LY86: variants seen among roughly 807,000 people sequenced by gnomAD.
LY86 encodes MD-1, RP105-associated.
LY86 carries 20 observed loss-of-function variants against 17.3 expected under a neutral mutation model. That is an observed-to-expected ratio of 1.15 (90% CI 0.81 to 1.68). The LOEUF (loss-of-function observed/expected upper bound fraction) is 1.68. LY86 is among the 40% of genes most tolerant of loss of function. LY86 has a pLI of 0.00. For missense variants in LY86, 200 were observed against 191.9 expected (o/e 1.04, Z -0.25); for synonymous variants, 74 against 70.6 (o/e 1.05, Z -0.24).
intron 3 of LY86, among the ~76,000 whole-genome samples, chr6:6,627,511 T>C (rs917599305): frequency 1.3e-5 from 2 of 152,196 alleles, no homozygotes; most frequent in Non-Finnish European, 2.9e-5. Flanking sequence ...CACATCACTG[T>C]ATCCTAGCGT....
chr6:6,647,593 A>G (rs1383672367), intron 3 of LY86, among the ~76,000 whole-genome samples: 1 of 152,150 alleles, frequency 6.6e-6, no homozygotes, highest in Non-Finnish European at 1.5e-5. Flanking sequence ...CAGCAGCAGC[A>G]TTCAGCATGG....
chr6:6,603,550 G>A (rs1387118267), intron 1 of LY86, among the ~76,000 whole-genome samples: 1 of 142,162 alleles, frequency 7.0e-6, no homozygotes, highest in East Asian at 2.1e-4. Flanking sequence ...ACAACAAAAT[G>A]ATGAGGTCTC....
chr6:6,647,170 C>G (rs1054182559), intron 3 of LY86, among the ~76,000 whole-genome samples: 1 of 152,248 alleles, frequency 6.6e-6, no homozygotes, highest in Non-Finnish European at 1.5e-5. Context: ...TCTGTTTTCT[C>G]TCCTACAATT....
intron 1 of LY86, among the ~76,000 whole-genome samples, chr6:6,605,515 G>A (rs1271026593): frequency 2.0e-5 from 3 of 152,228 alleles, no homozygotes; most frequent in African/African-American, 7.2e-5. Context: ...TGCCATGGGG[G>A]GTCTCCCCAC....
intron 3 of LY86, among the ~76,000 whole-genome samples, chr6:6,633,444 G>T (rs184654482): frequency 1.1e-3 from 166 of 152,244 alleles, no homozygotes; most frequent in Non-Finnish European, 2.0e-3. Flanking sequence ...AGGATGTGCA[G>T]GTTTGTTACA....
intron 1 of LY86, among the ~76,000 whole-genome samples, chr6:6,598,731 A>G (rs1460432212): frequency 2.0e-5 from 3 of 146,732 alleles, no homozygotes; most frequent in African/African-American, 7.5e-5. Flanking sequence ...GCCTACAGGC[A>G]TCATTGGAAA....
chr6:6,637,004 GTT>G (rs34996349), intron 3 of LY86, among the ~76,000 whole-genome samples: 6 of 109,838 alleles, frequency 5.5e-5, no homozygotes, highest in Non-Finnish European at 1.7e-5. Flanking sequence ...AAGCATATTG[GTT>G]TTTTTTTTTT....
intron 1 of LY86, 83 bp downstream of exon 1, chr6:6,588,953 G>C: frequency 6.9e-7 from 1 of 1,452,116 alleles, no homozygotes; most frequent in South Asian, 1.3e-5. Flanking sequence ...AGTTGGAGTT[G>C]GGGTGGGAGG....
chr6:6,609,315 A>G (rs752451642), intron 1 of LY86, among the ~76,000 whole-genome samples: 10 of 152,222 alleles, frequency 6.6e-5, no homozygotes, highest in Non-Finnish European at 1.3e-4. Flanking sequence ...GCAGAAAGAA[A>G]TGGCGAATTG....
chr6:6,612,396 G>A (rs370113329), intron 1 of LY86, among the ~76,000 whole-genome samples: 10 of 152,178 alleles, frequency 6.6e-5, no homozygotes, highest in African/African-American at 1.9e-4. Flanking sequence ...TTTTCCCCCA[G>A]TGGGTACCTA....
At chr6:6,625,774 C>T (rs780050713) in intron 2 of LY86, among the ~76,000 whole-genome samples, 39 of 151,658 alleles carry the variant, frequency 2.6e-4, no homozygotes, top group African/African-American at 8.7e-4. Flanking sequence ...AGAGAAAAAG[C>T]GAGAAAAGAG....
At position 6,607,628 on chromosome 6, in the gene LY86, G is replaced by A. The variant is rs111864427; in HGVS notation, c.137-17298G>A. Among the ~76,000 whole-genome samples the A allele has an allele frequency of 9.4e-3, 1,424 of 152,294 alleles. 23 individuals carry two copies. Among genetic ancestry groups the A allele is most frequent in the African/African-American group, 0.032 (1,350 of 41,566 alleles). Reference sequence around the variant, plus strand: ...AAATATCAGAGGCTTGGCTGGGCACGGTGGCTCATGCCTGTAATCCCAGCA... The same window carrying A: ...AAATATCAGAGGCTTGGCTGGGCACAGTGGCTCATGCCTGTAATCCCAGCA... On this transcript the variant is annotated intron_variant, in intron 1 of 4. Coordinates refer to ENST00000230568, the MANE Select transcript of LY86 (RefSeq NM_004271.4).
At chr6:6,605,281 G>GTC (rs1554123782) in intron 1 of LY86, among the ~76,000 whole-genome samples, 18 of 74,570 alleles carry the variant, frequency 2.4e-4, no homozygotes, top group South Asian at 1.9e-3. Context: ...TCACCTCACA[G>GTC]TTTTTTTCCT....
chr6:6,603,938 ACT>A (rs1435550281), intron 1 of LY86, among the ~76,000 whole-genome samples: 1 of 152,126 alleles, frequency 6.6e-6, no homozygotes, highest in African/African-American at 2.4e-5. Flanking sequence ...AACTTATCTA[ACT>A]CTGCCTAATC....
intron 4 of LY86, among the ~76,000 whole-genome samples, chr6:6,650,386 G>C (rs1762169881): frequency 6.7e-6 from 1 of 149,934 alleles, no homozygotes; most frequent in South Asian, 2.1e-4. Flanking sequence ...CCAGGCTGGA[G>C]TGCAGGGGCA....
intron 1 of LY86, among the ~76,000 whole-genome samples, chr6:6,612,472 T>C (rs2326813): frequency 0.33 from 50,770 of 152,020 alleles, 9,158 homozygotes; most frequent in East Asian, 0.5. Flanking sequence ...ATAAAAGCAA[T>C]GCAGACCCAA....
At chr6:6,593,465 G>A (rs1402471885) in intron 1 of LY86, among the ~76,000 whole-genome samples, 1 of 152,168 alleles carries the variant, frequency 6.6e-6, no homozygotes, top group Non-Finnish European at 1.5e-5. Context: ...GACATCTTTG[G>A]GGACCATTAT....
chr6:6,606,866 G>T (rs1401279544), intron 1 of LY86, among the ~76,000 whole-genome samples: 2 of 152,272 alleles, frequency 1.3e-5, no homozygotes, highest in East Asian at 1.9e-4. Flanking sequence ...CCCAGAAAGG[G>T]GCTCCCACAG....
At chr6:6,601,130 T>A (rs1021052999) in intron 1 of LY86, among the ~76,000 whole-genome samples, 20 of 152,160 alleles carry the variant, frequency 1.3e-4, no homozygotes, top group Non-Finnish European at 2.8e-4. Flanking sequence ...GCCTGAGGTT[T>A]TAGAGTCAAT....
Sources: allele counts gnomAD v4.1 joint callset (sites outside exome capture counted in the v4.1 genomes callset), GRCh38; gene constraint gnomAD v4.1.1; transcripts MANE v1.5; gene names NCBI Gene and HGNC (gene_info 2026-07-23, HGNC 2026-07-21).